Variants in CFAP299 observed in about 807,000 individuals in gnomAD.
CFAP299 encodes cilia and flagella associated protein 299.
CFAP299 carries 21 observed loss-of-function variants against 27.0 expected under a neutral mutation model. The observed-to-expected ratio is 0.78, with a 90% CI of 0.55 to 1.12. CFAP299 has a LOEUF of 1.12. Ranked by LOEUF, CFAP299 falls within the 50% of genes most tolerant of loss-of-function variation. The pLI, the probability that CFAP299 is intolerant of heterozygous loss-of-function variation, is 0.00. For synonymous variants in CFAP299, 104 were observed against 98.1 expected (o/e 1.06, Z -0.36); for missense variants, 310 against 276.6 (o/e 1.12, Z -0.86).
intron 4 of CFAP299, among the ~76,000 whole-genome samples, chr4:80,902,793 T>C (rs1409206840): frequency 2.0e-5 from 3 of 151,770 alleles, no homozygotes; most frequent in Non-Finnish European, 4.4e-5. Flanking sequence ...ATTTTTTACC[T>C]CCAATTGGTT....
chr4:80,848,602 C>T (rs1026753684), intron 3 of CFAP299, among the ~76,000 whole-genome samples: 1 of 152,006 alleles, frequency 6.6e-6, no homozygotes, highest in African/African-American at 2.4e-5. Context: ...GATCCTCACT[C>T]TCCAAATACT....
At position 80,924,989 on chromosome 4, in the gene CFAP299, C is replaced by T. The variant is rs558468589; in HGVS notation, c.477-19821C>T. ...ATAGAAGAGCTTTATATTTCAAGGA[C>T]ATTTATGGCACACATTTTCCCTATT... On this transcript the variant is annotated intron_variant, in intron 4 of 5. Coordinates refer to ENST00000358105, the MANE Select transcript of CFAP299 (RefSeq NM_152770.3). Among the ~76,000 whole-genome samples the T allele has an allele frequency of 2.0e-5, 3 of 151,892 alleles. No individual in the cohort carries two copies. In the South Asian group the frequency reaches 6.2e-4, roughly 32 times the overall value.
At chr4:80,424,762 C>T (rs927625340) in intron 2 of CFAP299, among the ~76,000 whole-genome samples, 1 of 152,194 alleles carries the variant, frequency 6.6e-6, no homozygotes, top group African/African-American at 2.4e-5. Context: ...TCTTCACATT[C>T]ACTGACTGGA....
chr4:80,677,384 A>G (rs1719531068), intron 3 of CFAP299, among the ~76,000 whole-genome samples: 1 of 152,030 alleles, frequency 6.6e-6, no homozygotes, highest in South Asian at 2.1e-4. Context: ...AGATGTGGGA[A>G]GTTTTTCATA....
At chr4:80,662,323 G>T (rs1490516593) in intron 3 of CFAP299, among the ~76,000 whole-genome samples, 1 of 151,202 alleles carries the variant, frequency 6.6e-6, no homozygotes, top group African/African-American at 2.4e-5. Context: ...TCTCTCTTTT[G>T]TACTCTGTCC....
intron 5 of CFAP299, among the ~76,000 whole-genome samples, chr4:80,947,669 G>GA (rs904823242): frequency 1.3e-5 from 2 of 152,020 alleles, no homozygotes; most frequent in African/African-American, 2.4e-5. Context: ...TGCAGTTTGA[G>GA]AAAAAATCTC....
At chr4:80,632,342 G>T (rs192643743) in intron 3 of CFAP299, among the ~76,000 whole-genome samples, 172 of 152,044 alleles carry the variant, frequency 1.1e-3, no homozygotes, top group Non-Finnish European at 2.0e-3. Context: ...CACTTAATTT[G>T]CTCATTCATT....
chr4:80,375,733 G>A (rs1017480481), intron 2 of CFAP299, among the ~76,000 whole-genome samples: 2 of 152,252 alleles, frequency 1.3e-5, no homozygotes, highest in East Asian at 1.9e-4. Flanking sequence ...GGAATGCAAA[G>A]CAAAGATTGC....
chr4:80,520,305 G>A lies in CFAP299; in HGVS notation c.243-62788G>A, dbSNP rs550908216. Among the ~76,000 whole-genome samples, 4 of 152,270 alleles carry A rather than the reference G, an allele frequency of 2.6e-5. No individual in the cohort carries two copies. In the South Asian group the frequency reaches 8.3e-4, roughly 32 times the overall value. On this transcript the variant is annotated intron_variant, in intron 2 of 5. Coordinates refer to ENST00000358105, the MANE Select transcript of CFAP299 (RefSeq NM_152770.3). Reference sequence around the variant, plus strand: ...TCCTCTAAGCATCAAAATATTGACTGTACCAGCTAGGTGGGGTATACCCAT... The same window carrying A: ...TCCTCTAAGCATCAAAATATTGACTATACCAGCTAGGTGGGGTATACCCAT...
chr4:80,375,082 G>A (rs992696728), intron 2 of CFAP299, among the ~76,000 whole-genome samples: 2 of 152,132 alleles, frequency 1.3e-5, no homozygotes, highest in African/African-American at 2.4e-5. Context: ...CCCGCACCAA[G>A]TGCAGTTCAA....
chr4:80,636,294 A>G lies in CFAP299; in HGVS notation c.333+53111A>G, dbSNP rs541818740. Among the ~76,000 whole-genome samples the G allele has an allele frequency of 2.6e-5, 4 of 152,242 alleles. No individual in the cohort carries two copies. In the East Asian group the frequency reaches 7.7e-4, roughly 29 times the overall value. On this transcript the variant is annotated intron_variant, in intron 3 of 5. Transcript: ENST00000358105. ...TTGTATCCTCAGACCCTTCCTTTTCAATATTAAAAGGTCATCTATGAGTAA... is the reference window on the plus strand; with the variant it reads ...TTGTATCCTCAGACCCTTCCTTTTCGATATTAAAAGGTCATCTATGAGTAA...
At chr4:80,732,280 C>T (rs1209597675) in intron 3 of CFAP299, among the ~76,000 whole-genome samples, 2 of 134,026 alleles carry the variant, frequency 1.5e-5, no homozygotes, top group Non-Finnish European at 3.2e-5. Context: ...TTAAGAATCA[C>T]ACACCTTAAA....
At chr4:80,885,746 G>A (rs963384165) in intron 4 of CFAP299, among the ~76,000 whole-genome samples, 3 of 152,182 alleles carry the variant, frequency 2.0e-5, no homozygotes, top group South Asian at 2.1e-4. Context: ...TGGGGCTTGG[G>A]CACTGAGAAG....
intron 3 of CFAP299, among the ~76,000 whole-genome samples, chr4:80,631,753 G>A (rs573994458): frequency 1.3e-5 from 2 of 151,110 alleles, no homozygotes; most frequent in South Asian, 4.2e-4. Context: ...GATTGCTTTA[G>A]CCACGTGAAC....
At chr4:80,411,115 T>C (rs1726699630) in intron 2 of CFAP299, among the ~76,000 whole-genome samples, 1 of 152,180 alleles carries the variant, frequency 6.6e-6, no homozygotes, top group East Asian at 1.9e-4. Flanking sequence ...CTTTGGCTAT[T>C]TGACCCATTA....
chr4:80,497,546 A>T (rs954196050), intron 2 of CFAP299, among the ~76,000 whole-genome samples: 1 of 152,162 alleles, frequency 6.6e-6, no homozygotes, highest in African/African-American at 2.4e-5. Context: ...AAAAATGAGC[A>T]GGCATAGTAA....
chr4:80,754,273 A>G (rs776084054), intron 3 of CFAP299, among the ~76,000 whole-genome samples: 5 of 152,056 alleles, frequency 3.3e-5, no homozygotes, highest in Non-Finnish European at 5.9e-5. Flanking sequence ...GTTTGTTTCA[A>G]TATCTGCTCC....
At chr4:80,401,802 A>T (rs770433755) in intron 2 of CFAP299, among the ~76,000 whole-genome samples, 5 of 152,288 alleles carry the variant, frequency 3.3e-5, no homozygotes, top group African/African-American at 1.2e-4. Flanking sequence ...TGTGCACTTG[A>T]AAAAGCCATA....
chr4:80,887,131 G>A (rs1734011101), intron 4 of CFAP299, among the ~76,000 whole-genome samples: 1 of 152,138 alleles, frequency 6.6e-6, no homozygotes, highest in African/African-American at 2.4e-5. Flanking sequence ...CCTTAAAGAG[G>A]AGGTAGACAA....
Sources: allele counts gnomAD v4.1 joint callset (sites outside exome capture counted in the v4.1 genomes callset), GRCh38; gene constraint gnomAD v4.1.1; transcripts MANE v1.5; gene names NCBI Gene and HGNC (gene_info 2026-07-23, HGNC 2026-07-21).